Variants in SAMM50 observed in about 807,000 individuals in gnomAD.
SAMM50 encodes sorting and assembly machinery component 50 homolog.
A neutral mutation model predicts 66.9 loss-of-function variants in SAMM50; 47 were observed. That is an observed-to-expected ratio of 0.70 (90% CI 0.56 to 0.90). SAMM50 has a LOEUF of 0.90. Among genes scored for constraint, SAMM50 ranks in the 40% least tolerant of loss-of-function variants. The pLI is 0.00. For missense variants in SAMM50, 535 were observed against 595.3 expected (o/e 0.90, Z 1.05); for synonymous variants, 191 against 214.1 (o/e 0.89, Z 0.94).
At chr22:43,955,702 G>A in intron 1 of SAMM50, 104 bp downstream of exon 1, 1 of 1,307,378 alleles carries the variant, frequency 7.6e-7, no homozygotes, top group Non-Finnish European at 1.1e-6. Context: ...TTCACCGGGA[G>A]AGAGGGTGCC....
In SAMM50 at chr22:43,983,169, G is replaced by A. The variant is rs2050273535; in HGVS notation, c.1008-764G>A. ...ACCTGCAGGGTGTTCTTAGCCTCCC[G>A]CGGCCTCAAAGGTCAGAGGGCTCTG... On this transcript the variant is annotated intron_variant, in intron 11 of 14. Coordinates refer to ENST00000350028, the MANE Select transcript of SAMM50 (RefSeq NM_015380.5). This position sits in a 1 kb window ranked among gnomAD's most constrained non-coding sequence, Gnocchi z 4.2. Among the ~76,000 whole-genome samples the A allele has an allele frequency of 6.6e-6, 1 of 152,182 alleles. No individual in the cohort carries two copies. The highest frequency in any genetic ancestry group is 2.1e-4 in the South Asian group (1 of 4,834).
rs2050272868 is a variant in SAMM50, at chr22:43,983,028, G to C, written c.1008-905G>C. ...AAGCCTTGCTTAGAAATCCCAAGTA[G>C]TAAAAACATATTTATAGGTTTTAAA... On this transcript the variant is annotated intron_variant, in intron 11 of 14. Transcript: ENST00000350028. This position sits in a 1 kb window ranked among gnomAD's most constrained non-coding sequence, Gnocchi z 4.2. Among the ~76,000 whole-genome samples, 1 of 152,196 alleles carries C rather than the reference G, an allele frequency of 6.6e-6. No homozygotes were observed. The highest frequency in any genetic ancestry group is 2.1e-4 in the South Asian group (1 of 4,832).
chr22:43,969,800 G>T (rs375475314), intron 4 of SAMM50, among the ~76,000 whole-genome samples: 6 of 152,220 alleles, frequency 3.9e-5, no homozygotes, highest in African/African-American at 1.2e-4. Context: ...AAGAGCTGGA[G>T]TGCAGGTTGG....
At chr22:43,966,608 G>A (rs2050174708) in intron 3 of SAMM50, among the ~76,000 whole-genome samples, 1 of 151,964 alleles carries the variant, frequency 6.6e-6, no homozygotes, top group South Asian at 2.1e-4. Flanking sequence ...CACCTGCCTC[G>A]GCCTGCCAGA....
intron 7 of SAMM50, 130 bp from the exon 8 acceptor site, chr22:43,975,925 C>T (rs1440058379): frequency 2.2e-6 from 2 of 890,576 alleles, no homozygotes; most frequent in Admixed American, 2.7e-5. Flanking sequence ...TCCCCTTCTC[C>T]CTCTCTCTCA....
chr22:43,968,926 T>A, intron 4 of SAMM50, 108 bp downstream of exon 4: 1 of 705,932 alleles, frequency 1.4e-6, no homozygotes, highest in Non-Finnish European at 2.5e-6. Context: ...CTCCCTGCTG[T>A]GTAGAACCTG....
chr22:43,973,419 C>CTTTCT, intron 7 of SAMM50, 96 bp downstream of exon 7: 1 of 738,676 alleles, frequency 1.4e-6, no homozygotes, highest in Non-Finnish European at 2.4e-6. Context: ...GCGTGGAAAG[C>CTTTCT]ACAGGCCCTC....
At chr22:43,963,866 G>C (rs951343480) in intron 2 of SAMM50, among the ~76,000 whole-genome samples, 9 of 150,412 alleles carry the variant, frequency 6.0e-5, no homozygotes. Flanking sequence ...AAATCCCTGC[G>C]GGGTCTTTAG....
chr22:43,979,688 T>G (rs2050252559), intron 10 of SAMM50, among the ~76,000 whole-genome samples: 3 of 152,018 alleles, frequency 2.0e-5, no homozygotes. Flanking sequence ...TGTGTTAGTG[T>G]TTCTGAAACA....
At position 43,964,558 on chromosome 22, in the gene SAMM50, G is replaced by T; in HGVS notation, c.234+5G>T. 6.7e-7 allele frequency: 1 copy of T among 1,490,634 alleles called. No individual in the cohort carries two copies. The highest frequency in any genetic ancestry group is 9.4e-7 in the Non-Finnish European group (1 of 1,067,604). 92.3% of individuals were successfully genotyped at this position (1,490,634 alleles called of 1,614,324 possible). ...AAGGCCAAAAACCTAATTGAGGTAG[G>T]TGTGGTCTCTACATGGTGTGCTTTC... On this transcript the variant is annotated splice_donor_5th_base_variant and intron_variant, in intron 3 of 14. Coordinates refer to ENST00000350028, the MANE Select transcript of SAMM50 (RefSeq NM_015380.5).
chr22:43,971,033 C>T (rs546447037), intron 4 of SAMM50, among the ~76,000 whole-genome samples: 19 of 151,946 alleles, frequency 1.3e-4, no homozygotes, highest in East Asian at 3.9e-4. Flanking sequence ...CAGAGTGTGG[C>T]GGCGGGTGCC....
intron 5 of SAMM50, among the ~76,000 whole-genome samples, chr22:43,972,564 G>T (rs2050209185): frequency 6.6e-6 from 1 of 152,120 alleles, no homozygotes; most frequent in African/African-American, 2.4e-5. Flanking sequence ...GAATGATTTG[G>T]AGAATGTTCA....
At chr22:43,964,669 C>T in intron 3 of SAMM50, 116 bp downstream of exon 3, 3 of 594,396 alleles carry the variant, frequency 5.0e-6, no homozygotes, top group East Asian at 3.0e-5. Flanking sequence ...AGATCTGCCT[C>T]CTACCCCACA....
chr22:43,989,859 T>C (rs2034352069), intron 13 of SAMM50, among the ~76,000 whole-genome samples: 1 of 152,186 alleles, frequency 6.6e-6, no homozygotes, highest in Non-Finnish European at 1.5e-5. Flanking sequence ...ATTGGGTGCC[T>C]TCCTCAGGGA....
Position 43,990,194 on chromosome 22 carries a change from T to A in SAMM50, c.1223-71T>A, listed in dbSNP as rs1292274762. 3 of 1,587,262 alleles carry A rather than the reference T, an allele frequency of 1.9e-6. No homozygotes were observed. In the African/African-American group the frequency reaches 4.0e-5, roughly 21 times the overall value. ...GGGCCCAGCCAGGGGGAGCCAGGGC[T>A]TGTCTGGGAGAGCTGGGAGAGCTTG... is the stretch of plus-strand genomic sequence containing the variant. On this transcript the variant is annotated intron_variant, in intron 13 of 14. Coordinates refer to ENST00000350028, the MANE Select transcript of SAMM50 (RefSeq NM_015380.5).
chr22:43,958,679 A>G (rs554528829), intron 1 of SAMM50, among the ~76,000 whole-genome samples: 3 of 151,758 alleles, frequency 2.0e-5, no homozygotes, highest in Admixed American at 6.6e-5. Flanking sequence ...GGGTTTTGCC[A>G]TGTTGGCCAG....
At chr22:43,989,586 C>G (rs960589917) in intron 13 of SAMM50, among the ~76,000 whole-genome samples, 1 of 152,100 alleles carries the variant, frequency 6.6e-6, no homozygotes, top group East Asian at 1.9e-4. Flanking sequence ...TCCACACCCC[C>G]CTTGGATTCC....
At chr22:43,965,620 C>T (rs944256201) in intron 3 of SAMM50, among the ~76,000 whole-genome samples, 23 of 152,154 alleles carry the variant, frequency 1.5e-4, no homozygotes, top group African/African-American at 4.6e-4. Context: ...TTCCCTACCC[C>T]GGCCAATCCC....
In SAMM50 at chr22:43,958,660, G is replaced by A. The variant is rs181646083; in HGVS notation, c.21+3062G>A. On this transcript the variant is annotated intron_variant, in intron 1 of 14. Coordinates refer to ENST00000350028, the MANE Select transcript of SAMM50 (RefSeq NM_015380.5). ...CACCTGGCTAATTTTTGTATTTTTA[G>A]TAGAGACAGGGTTTTGCCATGTTGG... Among the ~76,000 whole-genome samples, 1,329 of 151,908 alleles carry A rather than the reference G, an allele frequency of 8.7e-3. 14 individuals are homozygous for A. Among genetic ancestry groups the A allele is most frequent in the Non-Finnish European group, 0.014 (966 of 67,946 alleles).
Sources: allele counts gnomAD v4.1 joint callset (sites outside exome capture counted in the v4.1 genomes callset), GRCh38; gene constraint gnomAD v4.1.1; non-coding constraint Gnocchi (gnomAD v3.1); transcripts MANE v1.5; gene names NCBI Gene and HGNC (gene_info 2026-07-23, HGNC 2026-07-21).